VTCN1: variants seen among roughly 807,000 people sequenced by gnomAD.
The protein encoded by VTCN1 is V-set domain containing T cell activation inhibitor 1, also known as V-set domain-containing T-cell activation inhibitor 1.
A neutral mutation model predicts 26.5 loss-of-function variants in VTCN1; 26 were observed. The ratio of observed to expected loss-of-function variants is 0.98; its 90% CI spans 0.72 to 1.36. The LOEUF (loss-of-function observed/expected upper bound fraction) is 1.36. Ranked by LOEUF, VTCN1 falls within the 40% of genes most tolerant of loss-of-function variation. The probability of loss-of-function intolerance (pLI) is 0.00; values close to 1 mark genes in which losing one functional copy is unlikely to be tolerated. For missense variants in VTCN1, 298 were observed against 337.7 expected (o/e 0.88, Z 0.92); for synonymous variants, 116 against 130.7 (o/e 0.89, Z 0.77).
chr1:117,154,095 C>A (rs1651940423), intron 3 of VTCN1, among the ~76,000 whole-genome samples: 1 of 152,142 alleles, frequency 6.6e-6, no homozygotes. Context: ...TCTTCCTTTA[C>A]CTGGGACTGA....
In VTCN1 at chr1:117,209,488, C is replaced by A. The variant is rs61808507; in HGVS notation, c.32+1336G>T. Among the ~76,000 whole-genome samples the A allele has an allele frequency of 5.3e-3, 813 of 152,256 alleles. 5 individuals carry two copies. The highest frequency in any genetic ancestry group is 0.014 in the Middle Eastern group (4 of 294). ...CATGCACAGTTTCACAGTCATCTGG[C>A]CTTAACTTCTCTGAGGTGATAACGA... On this transcript the variant is annotated intron_variant, in intron 1 of 5. Coordinates refer to ENST00000369458, the MANE Select transcript of VTCN1 (RefSeq NM_024626.4).
chr1:117,202,959 C>G (rs1648860591), intron 1 of VTCN1, among the ~76,000 whole-genome samples: 1 of 152,048 alleles, frequency 6.6e-6, no homozygotes, highest in Non-Finnish European at 1.5e-5. Context: ...AATCCTGATA[C>G]ACGGGTTGCA....
At chr1:117,197,988 T>C (rs957383487) in intron 1 of VTCN1, among the ~76,000 whole-genome samples, 1 of 152,194 alleles carries the variant, frequency 6.6e-6, no homozygotes, top group South Asian at 2.1e-4. Flanking sequence ...CCCCTGAAAG[T>C]CCAAGAATTT....
At chr1:117,178,679 G>C (rs1477475460) in intron 1 of VTCN1, among the ~76,000 whole-genome samples, 2 of 130,972 alleles carry the variant, frequency 1.5e-5, no homozygotes, top group African/African-American at 5.9e-5. Context: ...CTGTAGCCTT[G>C]AACTCCTAGG....
chr1:117,147,513 A>T lies in VTCN1; in HGVS notation c.*45+100T>A. ...AATGTCACAGCCCTGGTGTCATTAA[A>T]TGTTTCTTTCTGTGGCTGATGCTGA... On this transcript the variant is annotated intron_variant, in intron 5 of 5. Coordinates refer to ENST00000369458, the MANE Select transcript of VTCN1 (RefSeq NM_024626.4). The surrounding 1 kb of genome is among the most constrained non-coding windows in gnomAD (Gnocchi z 4.6). The T allele has an allele frequency of 1.0e-6, 1 of 1,000,564 alleles. No homozygotes were observed. Among genetic ancestry groups the T allele is most frequent in the Non-Finnish European group, 1.4e-6 (1 of 701,180 alleles). The allele number at this position is 1,000,564 out of a possible 1,614,324, so 62.0% of individuals were successfully genotyped here.
chr1:117,208,403 T>G (rs748493869), intron 1 of VTCN1, among the ~76,000 whole-genome samples: 31 of 152,146 alleles, frequency 2.0e-4, no homozygotes, highest in Non-Finnish European at 4.3e-4. Context: ...GTGAGGGAAG[T>G]GCTCCCCTTG....
intron 2 of VTCN1, among the ~76,000 whole-genome samples, chr1:117,165,769 A>G (rs1263411989): frequency 6.6e-6 from 1 of 152,248 alleles, no homozygotes; most frequent in Non-Finnish European, 1.5e-5. Context: ...ATTTCTTTAT[A>G]GCAGTGCAAG....
chr1:117,202,807 T>C (rs1285443039), intron 1 of VTCN1, among the ~76,000 whole-genome samples: 2 of 152,090 alleles, frequency 1.3e-5, no homozygotes, highest in Non-Finnish European at 2.9e-5. Context: ...TACCTCACTC[T>C]CCTTTCACAA....
intron 3 of VTCN1, 61 bp from the exon 4 acceptor site, chr1:117,153,430 C>T: frequency 1.3e-6 from 2 of 1,515,442 alleles, no homozygotes; most frequent in South Asian, 1.3e-5. Flanking sequence ...ACAATATAGC[C>T]TTTGAAGCGC....
chr1:117,198,948 A>G (rs1158828939), intron 1 of VTCN1, among the ~76,000 whole-genome samples: 3 of 152,174 alleles, frequency 2.0e-5, no homozygotes, highest in Non-Finnish European at 4.4e-5. Context: ...GATATCAAAT[A>G]TGGGAGGGCA....
At chr1:117,209,380 T>A (rs4659224) in intron 1 of VTCN1, among the ~76,000 whole-genome samples, 2 of 152,168 alleles carry the variant, frequency 1.3e-5, no homozygotes, top group African/African-American at 2.4e-5. Flanking sequence ...GGAGGAATGG[T>A]GGGCATGGAG....
intron 1 of VTCN1, among the ~76,000 whole-genome samples, chr1:117,190,215 C>T (rs1461594425): frequency 6.6e-6 from 1 of 152,196 alleles, no homozygotes; most frequent in Non-Finnish European, 1.5e-5. Context: ...TGTCTGTGCC[C>T]ACGAAGACAG....
Position 117,169,608 on chromosome 1 carries a change from C to T in VTCN1, c.97+499G>A, listed in dbSNP as rs1184413377. Among the ~76,000 whole-genome samples the T allele has an allele frequency of 6.6e-6, 1 of 152,168 alleles. No individual in the cohort carries two copies. Among genetic ancestry groups the T allele is most frequent in the Non-Finnish European group, 1.5e-5 (1 of 68,030 alleles). On this transcript the variant is annotated intron_variant, in intron 2 of 5. Coordinates refer to ENST00000369458, the MANE Select transcript of VTCN1 (RefSeq NM_024626.4). The surrounding 1 kb of genome is among the most constrained non-coding windows in gnomAD (Gnocchi z 4.0). ...ATCTCCCCACTCAAAAATGAGGAAA[C>T]TAGCCTGGGCACGGTGGCTCAGGCC...
chr1:117,171,667 ATGT>A (rs1277690476), intron 1 of VTCN1, among the ~76,000 whole-genome samples: 1 of 152,238 alleles, frequency 6.6e-6, no homozygotes, highest in Non-Finnish European at 1.5e-5. Flanking sequence ...TATGGCAGAC[ATGT>A]TGTTCCAACC....
intron 1 of VTCN1, among the ~76,000 whole-genome samples, chr1:117,199,227 T>TCTTG (rs2101597208): frequency 6.6e-6 from 1 of 151,700 alleles, no homozygotes; most frequent in African/African-American, 2.4e-5. Context: ...TAAACAGACT[T>TCTTG]AAGTCTATAG....
At chr1:117,151,332 C>T (rs1191109400) in intron 4 of VTCN1, among the ~76,000 whole-genome samples, 1 of 151,868 alleles carries the variant, frequency 6.6e-6, no homozygotes, top group Non-Finnish European at 1.5e-5. Context: ...TCACTGACTT[C>T]AGGAATGAAG....
intron 1 of VTCN1, chr1:117,170,460 T>C (rs1047512269): frequency 1.5e-5 from 7 of 469,854 alleles, no homozygotes; most frequent in Admixed American, 2.9e-5. Context: ...TGGAGACTGT[T>C]GGGGCAAGAA....
chr1:117,145,747 C>T lies in VTCN1; in HGVS notation c.*46-522G>A, dbSNP rs577210208. 5.3e-5 allele frequency among the ~76,000 whole-genome samples: 8 copies of T among 152,270 alleles called. No individual in the cohort carries two copies. In the South Asian group the frequency reaches 1.5e-3, roughly 28 times the overall value. ...CTCCTGGGCTCATGCAATCCTTCCA[C>T]CTCAGCCTCCTGAGTAGCTGGGACC... On this transcript the variant is annotated intron_variant, in intron 5 of 5. Coordinates refer to ENST00000369458, the MANE Select transcript of VTCN1 (RefSeq NM_024626.4). This position sits in a 1 kb window ranked among gnomAD's most constrained non-coding sequence, Gnocchi z 4.6.
intron 4 of VTCN1, among the ~76,000 whole-genome samples, chr1:117,149,536 A>G (rs1651686195): frequency 1.3e-5 from 2 of 151,988 alleles, no homozygotes; most frequent in African/African-American, 4.8e-5. Context: ...AGGTCTTCCC[A>G]TTTTATCCAA....
Sources: gnomAD v4.1 joint callset for allele counts (sites outside exome capture counted in the v4.1 genomes callset) on GRCh38, gnomAD v4.1.1 for gene constraint, Gnocchi (gnomAD v3.1) non-coding constraint, MANE v1.5 for transcripts, NCBI Gene and HGNC (gene_info 2026-07-23, HGNC 2026-07-21) for gene names.